MPPED1: variants seen among roughly 807,000 people sequenced by gnomAD.
MPPED1 encodes the protein metallophosphoesterase domain-containing protein 1.
In MPPED1, 16 loss-of-function variants were observed where a neutral mutation model predicts 36.2. That is an observed-to-expected ratio of 0.44 (90% CI 0.30 to 0.67). The LOEUF is 0.67. Ranked by LOEUF, MPPED1 falls within the 30% of genes least tolerant of loss-of-function variation. The pLI, the probability that MPPED1 is intolerant of heterozygous loss-of-function variation, is 0.10. For missense variants in MPPED1, 307 were observed against 453.4 expected (o/e 0.68, Z 2.93); for synonymous variants, 199 against 191.3 (o/e 1.04, Z -0.33).
At chr22:43,478,833 G>C (rs1406724677) in intron 4 of MPPED1, among the ~76,000 whole-genome samples, 1 of 152,178 alleles carries the variant, frequency 6.6e-6, no homozygotes, top group South Asian at 2.1e-4. Flanking sequence ...CAGGTAGCCT[G>C]TCTGAGCCCT....
At chr22:43,460,647 G>T (rs1344212338) in intron 3 of MPPED1, among the ~76,000 whole-genome samples, 4 of 152,094 alleles carry the variant, frequency 2.6e-5, no homozygotes, top group Non-Finnish European at 5.9e-5. Context: ...TCTCTGCTTG[G>T]TTAGCTTAGT....
chr22:43,500,402 AGTGGTG>A (rs1932689401), intron 5 of MPPED1, among the ~76,000 whole-genome samples: 1 of 27,936 alleles, frequency 3.6e-5, no homozygotes, highest in East Asian at 1.0e-3. Context: ...TGGAGGTGGT[AGTGGTG>A]GTGATGGAGG....
In MPPED1 at chr22:43,502,179, A is replaced by C. The variant is rs773213737; in HGVS notation, c.749-465A>C. On this transcript the variant is annotated intron_variant, in intron 5 of 6. Transcript: ENST00000443721. The surrounding 1 kb of genome is among the most constrained non-coding windows in gnomAD (Gnocchi z 5.5). ...CTGTGCTGTTTAGGAAGTTTCTGAC[A>C]TGGAAATCTCACTCCTGGGCTGTGT... Among the ~76,000 whole-genome samples, 2 of 152,074 alleles carry C rather than the reference A, an allele frequency of 1.3e-5. No homozygotes were observed. The highest frequency in any genetic ancestry group is 2.9e-5 in the Non-Finnish European group (2 of 68,004).
At chr22:43,477,249 A>G (rs1328722505) in intron 4 of MPPED1, among the ~76,000 whole-genome samples, 5 of 152,236 alleles carry the variant, frequency 3.3e-5, no homozygotes, top group African/African-American at 4.8e-5. Context: ...CCTTAACACA[A>G]GGGCTGAACG....
rs1375239009 is a variant in MPPED1, at chr22:43,498,278, C to G, written c.676C>G (p.Gln226Glu). ...CTGGGGCTTCAACCTCCCGCGAGGC[C>G]AAGCCCTGCTGGAGAAATGGAACCT... ...YGWGFNLPRGQALLEKWNLIP... is the reference protein window; with the variant it reads ...YGWGFNLPRGEALLEKWNLIP... Residue 226 changes from glutamine to glutamate, a missense_variant, in exon 5 of 7, where the codon CAA (glutamine) becomes GAA (glutamate). Gln to Glu is a conservative substitution (Grantham distance 29). Coordinates refer to ENST00000443721, the MANE Select transcript of MPPED1 (RefSeq NM_001044370.2). 6.5e-7 allele frequency: 1 copy of G among 1,535,362 alleles called. No individual in the cohort carries two copies. The highest frequency in any genetic ancestry group is 1.4e-5 in the African/African-American group (1 of 73,144).
intron 3 of MPPED1, among the ~76,000 whole-genome samples, chr22:43,449,502 T>A (rs961244924): frequency 7.1e-6 from 1 of 141,326 alleles, no homozygotes; most frequent in African/African-American, 2.6e-5. Context: ...CCTTATCCTA[T>A]GGCCCTGAGT....
intron 5 of MPPED1, among the ~76,000 whole-genome samples, chr22:43,500,284 T>TGATGGTGGTGGTGGG: frequency 8.0e-6 from 1 of 124,530 alleles, no homozygotes; most frequent in Non-Finnish European, 1.7e-5. Context: ...GTGGCGGTGG[T>TGATGGTGGTGGTGGG]GATGGGGGTG....
Position 43,507,012 on chromosome 22 carries a change from C to T in MPPED1, c.*1396C>T, listed in dbSNP as rs989274725. On this transcript the variant is annotated 3_prime_UTR_variant, in exon 7 of 7. Transcript: ENST00000443721. ...GTCCCAGCCCTGGGAACCAGCCTAC[C>T]GTGAGCCCTTTTGCAGATATAGACT... 1 of 152,148 alleles carries T rather than the reference C, an allele frequency of 6.6e-6. No individual in the cohort carries two copies. The highest frequency in any genetic ancestry group is 1.5e-5 in the Non-Finnish European group (1 of 68,022). The allele number at this position is 152,148 out of a possible 1,614,324, so 9.4% of individuals were successfully genotyped here.
rs1929100414 is a variant in MPPED1, at chr22:43,417,076, A to G, written c.-79+4918A>G. 8.7e-6 allele frequency: 8 copies of G among 915,826 alleles called. No individual in the cohort carries two copies. The South Asian group carries it at 3.0e-4, about 35-fold the overall frequency. The allele number at this position is 915,826 out of a possible 1,614,324, so 56.7% of individuals were successfully genotyped here. ...ATAATTGGAAAATGAAGCGGCAGAGACTGCTGGGGGGTGGCGGTGGTGAGG... is the reference window on the plus strand; with the variant it reads ...ATAATTGGAAAATGAAGCGGCAGAGGCTGCTGGGGGGTGGCGGTGGTGAGG... On this transcript the variant is annotated intron_variant, in intron 1 of 6. Transcript: ENST00000443721.
intron 4 of MPPED1, among the ~76,000 whole-genome samples, chr22:43,490,236 C>T (rs752704106): frequency 6.6e-6 from 1 of 152,194 alleles, no homozygotes; most frequent in African/African-American, 2.4e-5. Flanking sequence ...TGGAGATGTT[C>T]TCATGGCTCC....
intron 4 of MPPED1, among the ~76,000 whole-genome samples, chr22:43,489,225 C>T (rs1932009711): frequency 6.6e-6 from 1 of 152,142 alleles, no homozygotes; most frequent in African/African-American, 2.4e-5. Context: ...TCGCACTTCG[C>T]CTCCAGGAGG....
intron 3 of MPPED1, among the ~76,000 whole-genome samples, chr22:43,463,867 CTTTCT>C (rs1931063542): frequency 3.0e-5 from 3 of 98,452 alleles, no homozygotes; most frequent in South Asian, 3.1e-4. Context: ...TTCTTTCTTT[CTTTCT>C]TTCTCTTTCT....
At chr22:43,500,436 G>GTGATGGTGA (rs1932696120) in intron 5 of MPPED1, among the ~76,000 whole-genome samples, 1 of 147,164 alleles carries the variant, frequency 6.8e-6, no homozygotes, top group Admixed American at 7.4e-5. Context: ...GGAGGTGGTG[G>GTGATGGTGA]TGGAGGTGGT....
intron 3 of MPPED1, among the ~76,000 whole-genome samples, chr22:43,458,495 A>G (rs1930833995): frequency 6.6e-6 from 1 of 152,100 alleles, no homozygotes; most frequent in South Asian, 2.1e-4. Flanking sequence ...CATGTTGGCC[A>G]GTCTGGTCTC....
chr22:43,429,404 ACAGATGCGGTGGCTGCTTC>A (rs1272965133), intron 2 of MPPED1, among the ~76,000 whole-genome samples: 2 of 152,242 alleles, frequency 1.3e-5, no homozygotes, highest in Non-Finnish European at 2.9e-5. Flanking sequence ...CTGCTGGGCA[ACAGATGCGGTGGCTGCTTC>A]CAGTTTCTCA....
At chr22:43,482,225 G>T (rs1374765421) in intron 4 of MPPED1, among the ~76,000 whole-genome samples, 1 of 152,202 alleles carries the variant, frequency 6.6e-6, no homozygotes, top group African/African-American at 2.4e-5. Context: ...AAAAAAAAGA[G>T]TGAGGGAGAG....
intron 3 of MPPED1, among the ~76,000 whole-genome samples, chr22:43,456,834 T>C (rs1315347498): frequency 6.6e-6 from 1 of 152,206 alleles, no homozygotes; most frequent in Non-Finnish European, 1.5e-5. Context: ...AAGGGTGTTT[T>C]ATTTTGTCAA....
chr22:43,459,485 G>A (rs1438215970), intron 3 of MPPED1, among the ~76,000 whole-genome samples: 1 of 152,182 alleles, frequency 6.6e-6, no homozygotes, highest in Non-Finnish European at 1.5e-5. Flanking sequence ...GTGTCCCACA[G>A]GTCTCTGAGG....
intron 3 of MPPED1, among the ~76,000 whole-genome samples, chr22:43,437,398 T>A (rs1032573814): frequency 2.0e-5 from 3 of 152,138 alleles, no homozygotes; most frequent in African/African-American, 7.2e-5. Context: ...ATCATTCCCA[T>A]TTTACAGAGG....
Sources: allele counts gnomAD v4.1 joint callset (sites outside exome capture counted in the v4.1 genomes callset), GRCh38; gene constraint gnomAD v4.1.1; non-coding constraint Gnocchi (gnomAD v3.1); transcripts MANE v1.5; gene names NCBI Gene and HGNC (gene_info 2026-07-23, HGNC 2026-07-21).